Variants in WDR5 observed in about 807,000 individuals in gnomAD.
The protein encoded by WDR5 is WD repeat-containing protein 5.
For synonymous variants in WDR5, 144 were observed against 161.6 expected (o/e 0.89, Z 0.83); for missense variants, 187 against 416.9 (o/e 0.45, Z 4.80).
rs1427835618 is a variant in WDR5, at chr9:134,136,190, C to A, written c.-69C>A. 1 of 147,734 alleles carries A rather than the reference C, an allele frequency of 6.8e-6. No homozygotes were observed. The highest frequency in any genetic ancestry group is 1.5e-5 in the Non-Finnish European group (1 of 66,298). 9.2% of individuals were successfully genotyped at this position (147,734 alleles called of 1,614,324 possible). ...CCCCGAGCGCCCGGCCCCGCCGCCG[C>A]GGCCCGGCAGGTAAGCGGGCAGCCG... On this transcript the variant is annotated 5_prime_UTR_variant, in exon 1 of 14. Coordinates refer to ENST00000358625, the MANE Select transcript of WDR5 (RefSeq NM_017588.3).
intron 8 of WDR5, among the ~76,000 whole-genome samples, chr9:134,150,667 A>G (rs1480977248): frequency 1.3e-5 from 2 of 152,186 alleles, no homozygotes; most frequent in South Asian, 2.1e-4. Context: ...CTGCTTTTCA[A>G]ATACCCATTT....
intron 7 of WDR5, among the ~76,000 whole-genome samples, chr9:134,143,004 C>T (rs563818451): frequency 7.2e-5 from 11 of 152,102 alleles, no homozygotes; most frequent in Non-Finnish European, 1.2e-4. Flanking sequence ...TGGCCACAGG[C>T]GTTCAGGAGG....
At chr9:134,156,682 G>A (rs1164953219) in intron 13 of WDR5, 89 bp downstream of exon 13, 19 of 1,305,490 alleles carry the variant, frequency 1.5e-5, no homozygotes, top group Non-Finnish European at 1.8e-5. Flanking sequence ...GTAGGGTGCC[G>A]TCGTCTTCCC....
intron 8 of WDR5, among the ~76,000 whole-genome samples, chr9:134,151,082 G>A (rs1457810128): frequency 1.3e-5 from 2 of 152,198 alleles, no homozygotes; most frequent in African/African-American, 4.8e-5. Flanking sequence ...TGCGGAGCTA[G>A]AGGACATGAA....
At chr9:134,154,352 TG>T in intron 9 of WDR5, 113 bp from the exon 10 acceptor site, 1 of 1,048,518 alleles carries the variant, frequency 9.5e-7, no homozygotes, top group Non-Finnish European at 1.5e-6. Context: ...GCACTGATGG[TG>T]GTGGCCGACC....
chr9:134,137,393 C>T (rs902495636), intron 1 of WDR5, among the ~76,000 whole-genome samples: 2 of 152,048 alleles, frequency 1.3e-5, no homozygotes, highest in Non-Finnish European at 2.9e-5. Flanking sequence ...ATGAAAATGC[C>T]AAGCCTTGGC....
rs566340439 is a variant in WDR5, at chr9:134,139,280, C to T, written c.-58-540C>T. Among the ~76,000 whole-genome samples, 201 of 152,332 alleles carry T rather than the reference C, an allele frequency of 1.3e-3. 1 individual carries two copies. Among genetic ancestry groups the T allele is most frequent in the African/African-American group, 4.5e-3 (187 of 41,566 alleles). On this transcript the variant is annotated intron_variant, in intron 1 of 13. Transcript: ENST00000358625. The stretch of plus-strand genomic sequence containing the variant: ...GGCAGCCTCGGGCCAGCAGCCTGTG[C>T]ATGGAGGCACTGGAGCCCCCCCATG...
rs1287885115 is a variant in WDR5, at chr9:134,154,512, C to G, written c.678C>G (p.Gly226=). The G allele has an allele frequency of 1.9e-6, 3 of 1,614,058 alleles. No individual in the cohort carries two copies. The East Asian group carries it at 6.7e-5, about 36-fold the overall frequency. The change falls in exon 10 of 14, where the codon GGC becomes GGG. Residue 226 remains glycine, a synonymous_variant. Transcript: ENST00000358625. The part of the protein sequence containing the change: ...PVSFVKFSPN[G]KYILAATLDN... ...CTTTTGTGAAGTTCTCCCCGAACGG[C>G]AAATACATCCTGGCCGCCACGCTGG...
At position 134,158,258 on chromosome 9, in the gene WDR5, A is replaced by C. The variant is rs192546406; in HGVS notation, c.*265A>C. ...TATTGTGTTCAAACAGAGTCAACAA[A>C]AGTTTTTAATTTTTTATTACAGAAG... On this transcript the variant is annotated 3_prime_UTR_variant, in exon 14 of 14. Coordinates refer to ENST00000358625, the MANE Select transcript of WDR5 (RefSeq NM_017588.3). The C allele has an allele frequency of 2.6e-3, 822 of 314,040 alleles. 2 individuals carry two copies. Among genetic ancestry groups the C allele is most frequent in the Non-Finnish European group, 3.9e-3 (674 of 170,956 alleles). 19.5% of individuals were successfully genotyped at this position (314,040 alleles called of 1,614,324 possible).
intron 8 of WDR5, among the ~76,000 whole-genome samples, chr9:134,148,855 A>T (rs776794213): frequency 3.3e-5 from 5 of 152,134 alleles, no homozygotes; most frequent in African/African-American, 1.2e-4. Context: ...TAGTGCTTGG[A>T]CTTGGTAATC....
Position 134,150,977 on chromosome 9 carries a change from G to A in WDR5, c.585-1006G>A, listed in dbSNP as rs550923119. ...GCTAGTGAGAAGGAGCAGGACCAAT[G>A]CAGGAAATGAGAAATGGAACTGAAA... On this transcript the variant is annotated intron_variant, in intron 8 of 13. Coordinates refer to ENST00000358625, the MANE Select transcript of WDR5 (RefSeq NM_017588.3). 2.6e-5 allele frequency among the ~76,000 whole-genome samples: 4 copies of A among 152,320 alleles called. No homozygotes were observed. In the East Asian group the frequency reaches 7.7e-4, roughly 29 times the overall value.
At chr9:134,143,754 A>T (rs1244533599) in intron 7 of WDR5, among the ~76,000 whole-genome samples, 1 of 151,390 alleles carries the variant, frequency 6.6e-6, no homozygotes, top group Non-Finnish European at 1.5e-5. Context: ...TGAGCTCGTG[A>T]TCCTCCCGCC....
intron 8 of WDR5, among the ~76,000 whole-genome samples, chr9:134,149,033 C>T (rs1011988376): frequency 7.9e-5 from 12 of 152,092 alleles, no homozygotes; most frequent in African/African-American, 2.7e-4. Flanking sequence ...AGGAGGAGGA[C>T]GGTGGCAGCC....
chr9:134,152,144 C>A, intron 9 of WDR5, 115 bp downstream of exon 9: 2 of 1,219,798 alleles, frequency 1.6e-6, no homozygotes, highest in South Asian at 1.4e-5. Flanking sequence ...TCCGCCCCTG[C>A]AGGAGGAACC....
chr9:134,150,394 A>T (rs190012003), intron 8 of WDR5, among the ~76,000 whole-genome samples: 1 of 152,240 alleles, frequency 6.6e-6, no homozygotes, highest in African/African-American at 2.4e-5. Flanking sequence ...GATAATATCC[A>T]GCAGCCAACC....
At chr9:134,156,387 A>C in intron 12 of WDR5, 119 bp from the exon 13 acceptor site, 1 of 999,942 alleles carries the variant, frequency 1.0e-6, no homozygotes, top group Middle Eastern at 2.4e-4. Context: ...GAGTTCAGCG[A>C]GGCAGCCACC....
intron 8 of WDR5, among the ~76,000 whole-genome samples, chr9:134,149,301 C>G (rs1832374610): frequency 6.6e-6 from 1 of 152,232 alleles, no homozygotes; most frequent in Non-Finnish European, 1.5e-5. Context: ...CGGGCCATCG[C>G]CTCGCAAGGT....
chr9:134,148,258 T>C, intron 7 of WDR5, 30 bp from the exon 8 acceptor site: 2 of 1,591,232 alleles, frequency 1.3e-6, no homozygotes, highest in Non-Finnish European at 1.7e-6. Flanking sequence ...AAGTAAGTTT[T>C]TGTCTCTTCT....
intron 12 of WDR5, 38 bp downstream of exon 12, chr9:134,155,805 A>G: frequency 6.3e-7 from 1 of 1,597,056 alleles, no homozygotes. Flanking sequence ...ACCTGTTCCC[A>G]GCTTACTCTC....
Sources: allele counts gnomAD v4.1 joint callset (sites outside exome capture counted in the v4.1 genomes callset), GRCh38; gene constraint gnomAD v4.1.1; transcripts MANE v1.5; gene names NCBI Gene and HGNC (gene_info 2026-07-23, HGNC 2026-07-21).